The following CFAP300 variants were observed in gnomAD, a reference collection of about 807,000 sequenced individuals.
CFAP300 encodes the protein cilia and flagella associated protein 300.
A neutral mutation model predicts 33.0 loss-of-function variants in CFAP300; 32 were observed. That is an observed-to-expected ratio of 0.97 (90% CI 0.73 to 1.30). The LOEUF (loss-of-function observed/expected upper bound fraction) is 1.30. Among genes scored for constraint, CFAP300 ranks in the 50% most tolerant of loss-of-function variants. The pLI is 0.00. For synonymous variants in CFAP300, 102 were observed against 106.8 expected (o/e 0.95, Z 0.28); for missense variants, 356 against 318.1 (o/e 1.12, Z -0.90).
At chr11:102,065,557 G>A (rs1379916194) in intron 3 of CFAP300, among the ~76,000 whole-genome samples, 6 of 151,888 alleles carry the variant, frequency 4.0e-5, no homozygotes, top group South Asian at 2.1e-4. Context: ...ACCTAAGGTC[G>A]AGAGTTCAAG....
intron 2 of CFAP300, among the ~76,000 whole-genome samples, 179 bp from the exon 3 acceptor site, chr11:102,058,701 T>A (rs1284360573): frequency 6.6e-6 from 1 of 151,854 alleles, no homozygotes; most frequent in African/African-American, 2.4e-5. Flanking sequence ...GTTCATACTG[T>A]TCCAAGTTGG....
At chr11:102,071,824 T>C (rs1282131532) in intron 4 of CFAP300, among the ~76,000 whole-genome samples, 2 of 152,190 alleles carry the variant, frequency 1.3e-5, no homozygotes, top group African/African-American at 2.4e-5. Flanking sequence ...GAGAAATCCA[T>C]TGTGAGTCTA....
At chr11:102,062,416 C>T (rs192761606) in intron 3 of CFAP300, among the ~76,000 whole-genome samples, 2 of 152,150 alleles carry the variant, frequency 1.3e-5, no homozygotes, top group Admixed American at 1.3e-4. Flanking sequence ...TGCATGTATA[C>T]GGACACTATG....
chr11:102,052,857 A>G (rs1444455249), intron 2 of CFAP300, among the ~76,000 whole-genome samples: 1 of 152,194 alleles, frequency 6.6e-6, no homozygotes, highest in Non-Finnish European at 1.5e-5. Flanking sequence ...CAGCCCTTCA[A>G]TTCATTCTCC....
At chr11:102,082,799 C>G (rs975690231) in intron 6 of CFAP300, among the ~76,000 whole-genome samples, 1 of 152,110 alleles carries the variant, frequency 6.6e-6, no homozygotes, top group Non-Finnish European at 1.5e-5. Flanking sequence ...GAGTTCAAGA[C>G]TAGCCTGGCT....
intron 5 of CFAP300, among the ~76,000 whole-genome samples, chr11:102,077,373 G>A (rs778716645): frequency 1.3e-5 from 2 of 152,132 alleles, no homozygotes; most frequent in Non-Finnish European, 2.9e-5. Context: ...TGTCTAACCT[G>A]CCCTTGCAGA....
In CFAP300 at chr11:102,059,948, G is replaced by C. The variant is rs149919546; in HGVS notation, c.268+993G>C. Among the ~76,000 whole-genome samples the C allele has an allele frequency of 1.4e-3, 218 of 151,830 alleles. 2 individuals are homozygous for C. Among genetic ancestry groups the C allele is most frequent in the African/African-American group, 5.0e-3 (208 of 41,380 alleles). Reference sequence around the variant, plus strand: ...TTACAGTCATGGGCCCCCACACCCGGCTAATTCCTGGCTAATTTTTGGTTT... The same window carrying C: ...TTACAGTCATGGGCCCCCACACCCGCCTAATTCCTGGCTAATTTTTGGTTT... On this transcript the variant is annotated intron_variant, in intron 3 of 6. Transcript: ENST00000434758.
chr11:102,047,790 A>G, intron 1 of CFAP300, 25 bp from the exon 2 acceptor site: 1 of 1,612,540 alleles, frequency 6.2e-7, no homozygotes, highest in South Asian at 1.1e-5. Flanking sequence ...CCCCCAGATG[A>G]TTTCTTTTTC....
At chr11:102,071,962 G>C (rs1429784757) in intron 4 of CFAP300, among the ~76,000 whole-genome samples, 2 of 152,098 alleles carry the variant, frequency 1.3e-5, no homozygotes, top group Non-Finnish European at 2.9e-5. Context: ...CCTTCAAGAA[G>C]ACCTTTTTGG....
chr11:102,053,028 G>A (rs997739325), intron 2 of CFAP300, among the ~76,000 whole-genome samples: 8 of 152,090 alleles, frequency 5.3e-5, no homozygotes, highest in African/African-American at 9.7e-5. Flanking sequence ...ACGAGTTCAA[G>A]ACCAGCCTGA....
Position 102,075,835 on chromosome 11 carries a change from T to C in CFAP300, c.436-38T>C, listed in dbSNP as rs776052469. ...CCTTTGAAAACAAAAGTAAAAATCT[T>C]GAGTTATGTTACATTAAGATGAATT... is the stretch of plus-strand genomic sequence containing the variant. On this transcript the variant is annotated intron_variant, in intron 4 of 6. Transcript: ENST00000434758. 23 of 1,474,488 alleles carry C rather than the reference T, an allele frequency of 1.6e-5. No individual in the cohort carries two copies. The South Asian group carries it at 2.6e-4, about 17-fold the overall frequency. 91.3% of individuals were successfully genotyped at this position (1,474,488 alleles called of 1,614,324 possible).
chr11:102,062,996 TAGAA>T lies in CFAP300; in HGVS notation c.269-3485_269-3482del, dbSNP rs138939040. Among the ~76,000 whole-genome samples, 311 of 152,318 alleles carry T rather than the reference TAGAA, an allele frequency of 2.0e-3. 1 individual carries two copies. The highest frequency in any genetic ancestry group is 7.1e-3 in the African/African-American group (296 of 41,580). On this transcript the variant is annotated intron_variant, in intron 3 of 6. Transcript: ENST00000434758. ...CATGCGCTATTCTTCAAGAAAAGGT[TAGAA>T]AGACCCCGAAGCAATTCAGAGATCT...
rs1941906152 is a variant in CFAP300, at chr11:102,047,827, C to T, written c.123C>T (p.Gly41=). The change falls in exon 2 of 7, where the codon GGC becomes GGT. Residue 41 remains glycine, a synonymous_variant. Transcript: ENST00000434758. The stretch of plus-strand genomic sequence containing the variant: ...TCCTCTGCCCCAGGTCCATGCTGGG[C>T]AGAATCAAGGCGCAGGCGTTCGGCT... ...TSRLRQWSML[G]RIKAQAFGFD... 1 of 1,614,018 alleles carries T rather than the reference C, an allele frequency of 6.2e-7. No homozygotes were observed. Among genetic ancestry groups the T allele is most frequent in the Admixed American group, 1.7e-5 (1 of 59,996 alleles).
intron 4 of CFAP300, among the ~76,000 whole-genome samples, chr11:102,075,633 A>G (rs541977574): frequency 1.2e-4 from 18 of 152,344 alleles, no homozygotes; most frequent in South Asian, 4.1e-4. Context: ...AATAAAGTGG[A>G]AGGAGGGAAG....
intron 2 of CFAP300, among the ~76,000 whole-genome samples, chr11:102,053,685 G>T (rs540894927): frequency 6.6e-6 from 1 of 152,338 alleles, no homozygotes; most frequent in East Asian, 1.9e-4. Context: ...TCTGAGACCA[G>T]CTTGGCAACA....
intron 4 of CFAP300, among the ~76,000 whole-genome samples, chr11:102,070,641 A>G (rs938338632): frequency 6.6e-6 from 1 of 152,076 alleles, no homozygotes; most frequent in East Asian, 1.9e-4. Context: ...GCATCATTAG[A>G]TTATTTGAAG....
At chr11:102,062,674 A>G (rs537232366) in intron 3 of CFAP300, among the ~76,000 whole-genome samples, 1 of 152,320 alleles carries the variant, frequency 6.6e-6, no homozygotes, top group East Asian at 1.9e-4. Context: ...GGAATTGTTA[A>G]CCAAAAATGA....
chr11:102,082,449 T>G (rs1012053999), intron 6 of CFAP300, among the ~76,000 whole-genome samples: 1 of 152,120 alleles, frequency 6.6e-6, no homozygotes, highest in African/African-American at 2.4e-5. Flanking sequence ...GTTGCAATAT[T>G]AGCACTTTAA....
chr11:102,083,118 A>T lies in CFAP300; in HGVS notation c.723A>T (p.Thr241=). ...CTTCAGCAAAGAATCATGAACAGAC[A>T]TTTTCTTACTTTATTGTGGATCCTA... ...CYPSAKNHEQ[T]FSYFIVDPIR... is the part of the protein sequence containing the mutation. Residue 241 remains threonine (T), a synonymous_variant, in exon 7 of 7, where the codon ACA becomes ACT. Coordinates refer to ENST00000434758, the MANE Select transcript of CFAP300 (RefSeq NM_032930.3). 2 of 1,555,272 alleles carry T rather than the reference A, an allele frequency of 1.3e-6. No individual in the cohort carries two copies. The highest frequency in any genetic ancestry group is 1.7e-6 in the Non-Finnish European group (2 of 1,148,530).
Sources: allele counts gnomAD v4.1 joint callset (sites outside exome capture counted in the v4.1 genomes callset), GRCh38; gene constraint gnomAD v4.1.1; transcripts MANE v1.5; gene names NCBI Gene and HGNC (gene_info 2026-07-23, HGNC 2026-07-21).